The following ZNF48 variants were observed in gnomAD, a reference collection of about 807,000 sequenced individuals.
ZNF48 encodes zinc finger protein 553.
A neutral mutation model predicts 40.0 loss-of-function variants in ZNF48; 20 were observed. The observed-to-expected ratio is 0.50, with a 90% CI of 0.35 to 0.73. The LOEUF (loss-of-function observed/expected upper bound fraction) is 0.73. ZNF48 is among the 30% of genes least tolerant of loss of function. The pLI is 0.01. For synonymous variants in ZNF48, 298 were observed against 329.7 expected (o/e 0.90, Z 1.04); for missense variants, 726 against 851.9 (o/e 0.85, Z 1.84).
chr16:30,398,870 C>G lies in ZNF48; in HGVS notation c.1620C>G (p.Ser540Arg). ...TTCGGGCCCAGCCTTCTGGACCCAG[C>G]CAGCCCCACGTGTGTGGCTTCTGTG... Reference protein sequence around the residue: ...PRVRAQPSGPSQPHVCGFCGK... With the variant: ...PRVRAQPSGPRQPHVCGFCGK... Residue 540 changes from serine to arginine, a missense_variant, in exon 3 of 3, where the codon AGC becomes AGG. Physicochemically the swap from Ser to Arg is moderately radical, Grantham distance 110. Around this residue, in one of 5 missense-constraint regions of ZNF48, gnomAD observed 166 missense variants for 163.6 expected, o/e 1.01. Coordinates refer to ENST00000613509, the MANE Select transcript of ZNF48 (RefSeq NM_001214909.2). This position sits in a 1 kb window ranked among gnomAD's most constrained non-coding sequence, Gnocchi z 6.6. The G allele has an allele frequency of 6.2e-7, 1 of 1,613,916 alleles. No homozygotes were observed. The highest frequency in any genetic ancestry group is 8.5e-7 in the Non-Finnish European group (1 of 1,179,974).
Position 30,398,525 on chromosome 16 carries a change from C to T in ZNF48, c.1275C>T (p.Gly425=), listed in dbSNP as rs372125983. 6 of 1,602,904 alleles carry T rather than the reference C, an allele frequency of 3.7e-6. No individual in the cohort carries two copies. The African/African-American group carries it at 8.0e-5, about 21-fold the overall frequency. The part of the protein sequence containing the change: ...RSPSHSGEPF[G]LPGLEPEPGG... The stretch of plus-strand genomic sequence containing the variant: ...CCTCACACTCGGGTGAGCCTTTTGG[C>T]CTGCCTGGCTTGGAGCCAGAGCCTG... The change falls in exon 3 of 3, where the codon GGC becomes GGT. Residue 425 remains glycine (G), a synonymous_variant. Coordinates refer to ENST00000613509, the MANE Select transcript of ZNF48 (RefSeq NM_001214909.2). The surrounding 1 kb of genome is among the most constrained non-coding windows in gnomAD (Gnocchi z 6.6).
In ZNF48 at chr16:30,382,274, C is replaced by G; in HGVS notation, c.-16+3864C>G. On this transcript the variant is annotated intron_variant, in intron 1 of 2. Coordinates refer to the ZNF48 transcript ENST00000528032. This position sits in a 1 kb window ranked among gnomAD's most constrained non-coding sequence, Gnocchi z 4.8. ...CAGTTCCCTCTCCAAAACCCCCAGA[C>G]CTGCCACCATTAGCGTGAAGTCAAA... 6.2e-7 allele frequency: 1 copy of G among 1,613,666 alleles called. No individual in the cohort carries two copies. The highest frequency in any genetic ancestry group is 8.5e-7 in the Non-Finnish European group (1 of 1,179,708).
chr16:30,390,630 T>G (rs1352359766), upstream of ZNF48, among the ~76,000 whole-genome samples: 4 of 84,596 alleles, frequency 4.7e-5, no homozygotes, highest in African/African-American at 1.2e-4. Flanking sequence ...TTTTTTTTTT[T>G]TTTTTTTTTG....
At position 30,381,551 on chromosome 16, in the gene ZNF48, G is replaced by A; in HGVS notation, c.-16+3141G>A. ...GGCAAGGCTAGCCAGGACTGTGGGA[G>A]TAGAATGTCATTTCTTTGGCTCCCT... is the stretch of plus-strand genomic sequence containing the variant. On this transcript the variant is annotated intron_variant, in intron 1 of 2. Coordinates refer to the ZNF48 transcript ENST00000528032. The surrounding 1 kb of genome is among the most constrained non-coding windows in gnomAD (Gnocchi z 4.3). 3.8e-6 allele frequency: 6 copies of A among 1,562,016 alleles called. No homozygotes were observed. The highest frequency in any genetic ancestry group is 5.3e-6 in the Non-Finnish European group (6 of 1,138,684).
At chr16:30,393,241 TA>T (rs1434236299), upstream of ZNF48, among the ~76,000 whole-genome samples, 2 of 151,674 alleles carry the variant, frequency 1.3e-5, no homozygotes, top group African/African-American at 4.8e-5. Flanking sequence ...CACGCCCTGC[TA>T]ATTTTTTTAT....
chr16:30,381,663 C>A lies in ZNF48; in HGVS notation c.-16+3253C>A. ...AGTGGCCCTCTGAAACAGACACCAC[C>A]TTTTGAGATAGGGAGCCAGCACAAA... On this transcript the variant is annotated intron_variant, in intron 1 of 2. Transcript: ENST00000528032. The surrounding 1 kb of genome is among the most constrained non-coding windows in gnomAD (Gnocchi z 4.3). 1 of 1,554,196 alleles carries A rather than the reference C, an allele frequency of 6.4e-7. No homozygotes were observed. Among genetic ancestry groups the A allele is most frequent in the Non-Finnish European group, 8.7e-7 (1 of 1,148,562 alleles).
chr16:30,387,006 G>A (rs1406588622), intron 1 of ZNF48, among the ~76,000 whole-genome samples: 1 of 140,934 alleles, frequency 7.1e-6, no homozygotes, highest in Non-Finnish European at 1.5e-5. Context: ...GCAGTGGCAC[G>A]ATCTTGGCTC....
chr16:30,392,540 G>T (rs771507816), upstream of ZNF48, among the ~76,000 whole-genome samples: 4 of 152,182 alleles, frequency 2.6e-5, no homozygotes, highest in Admixed American at 2.0e-4. Flanking sequence ...TCCAGGCAGA[G>T]TCTGGACTTT....
In ZNF48 at chr16:30,395,846, A is replaced by G; in HGVS notation, c.52A>G (p.Arg18Gly). Reference sequence around the variant, plus strand: ...CCCAGATCTCCACCGCCCGGAGGAGAGGGAGCCACAGAGAGGCGCCCGCAC... The same window carrying G: ...CCCAGATCTCCACCGCCCGGAGGAGGGGGAGCCACAGAGAGGCGCCCGCAC... ...WGPDLHRPEE[R>G]EPQRGARTGL... Residue 18 changes from arginine to glycine, a missense_variant, in exon 2 of 3, where the codon AGG becomes GGG. Arg to Gly is a moderately radical substitution (Grantham distance 125, BLOSUM62 -2). This residue lies in a region of ZNF48 where 151 missense variants were observed against 162.3 expected (regional missense o/e 0.93). Transcript: ENST00000613509. This position sits in a 1 kb window ranked among gnomAD's most constrained non-coding sequence, Gnocchi z 5.9. 1 of 1,546,892 alleles carries G rather than the reference A, an allele frequency of 6.5e-7. No homozygotes were observed.
In ZNF48 at chr16:30,381,746, T is replaced by C; in HGVS notation, c.-16+3336T>C. The C allele has an allele frequency of 6.2e-7, 1 of 1,613,654 alleles. No individual in the cohort carries two copies. Among genetic ancestry groups the C allele is most frequent in the African/African-American group, 1.3e-5 (1 of 74,996 alleles). On this transcript the variant is annotated intron_variant, in intron 1 of 2. Coordinates refer to the ZNF48 transcript ENST00000528032. This position sits in a 1 kb window ranked among gnomAD's most constrained non-coding sequence, Gnocchi z 4.3. Reference sequence around the variant, plus strand: ...GTGAAAGGCTGAGCCTCTGTCCCCTTTCCTCTTCCTCACCAGTCAGAGCAG... The same window carrying C: ...GTGAAAGGCTGAGCCTCTGTCCCCTCTCCTCTTCCTCACCAGTCAGAGCAG...
At position 30,398,035 on chromosome 16, in the gene ZNF48, C is replaced by T. The variant is rs140863905; in HGVS notation, c.785C>T (p.Thr262Met). The change falls in exon 3 of 3, where the codon ACG becomes ATG. Residue 262 changes from threonine to methionine, a missense_variant. Coordinates refer to ENST00000613509, the MANE Select transcript of ZNF48 (RefSeq NM_001214909.2). The surrounding 1 kb of genome is among the most constrained non-coding windows in gnomAD (Gnocchi z 6.6). ...VPRRQPSRAA[T>M]AATQGPKAQD... ...CGACGGCAGCCATCTCGGGCAGCCA[C>T]GGCAGCTACCCAGGGACCGAAGGCC... 3.9e-4 allele frequency: 631 copies of T among 1,612,040 alleles called. No homozygotes were observed. Among genetic ancestry groups the T allele is most frequent in the Non-Finnish European group, 5.1e-4 (600 of 1,179,004 alleles).
intron 1 of ZNF48, among the ~76,000 whole-genome samples, chr16:30,387,242 C>CTTT (rs746448381): frequency 2.3e-5 from 3 of 132,916 alleles, no homozygotes; most frequent in African/African-American, 8.1e-5. Flanking sequence ...CGCGCCCGGC[C>CTTT]TTTTTTTTTT....
At position 30,399,164 on chromosome 16, in the gene ZNF48, G is replaced by C. The variant is rs1437595438; in HGVS notation, c.*57G>C. On this transcript the variant is annotated 3_prime_UTR_variant, in exon 3 of 3. Transcript: ENST00000613509. ...CCAAAGGGAGGGGCTCTGCCGCTTA[G>C]CAGAGAAGAAAGGGCCTGGGAGGTG... 1.3e-6 allele frequency: 2 copies of C among 1,483,774 alleles called. No individual in the cohort carries two copies. The highest frequency in any genetic ancestry group is 2.8e-5 in the African/African-American group (2 of 71,378). The allele number at this position is 1,483,774 out of a possible 1,614,324, so 91.9% of individuals were successfully genotyped here. A position where few individuals can be genotyped will look rare whatever the true frequency, so the allele number is the denominator to read the frequency against.
chr16:30,378,847 A>AGAGAGGGGGAAAGAGG (rs2049792950), intron 1 of ZNF48: 3 of 530,494 alleles, frequency 5.7e-6, no homozygotes, highest in Non-Finnish European at 9.2e-6. Context: ...GCGGGTGGGG[A>AGAGAGGGGGAAAGAGG]GAGAGGGGGA....
chr16:30,387,306 G>A (rs2151114073), intron 1 of ZNF48, among the ~76,000 whole-genome samples: 1 of 144,280 alleles, frequency 6.9e-6, no homozygotes, highest in South Asian at 2.3e-4. Context: ...TGTAATCCCA[G>A]CACTTTGGGA....
In ZNF48 at chr16:30,398,865, C is replaced by CCCAG. The variant is rs756005475; in HGVS notation, c.1622_1625dup (p.His543AlafsTer41). On this transcript the variant is annotated frameshift_variant, in exon 3 of 3. Coordinates refer to ENST00000613509, the MANE Select transcript of ZNF48 (RefSeq NM_001214909.2). LOFTEE classifies it high-confidence loss of function. This position sits in a 1 kb window ranked among gnomAD's most constrained non-coding sequence, Gnocchi z 6.6. The stretch of plus-strand genomic sequence containing the variant: ...CCGAGTTCGGGCCCAGCCTTCTGGA[C>CCCAG]CCAGCCAGCCCCACGTGTGTGGCTT... 1 of 1,613,994 alleles carries CCCAG rather than the reference C, an allele frequency of 6.2e-7. No homozygotes were observed.
At chr16:30,390,601 GTTTTTTTTTTTTTTTTTTTTTTTT>G (rs796708706), upstream of ZNF48, among the ~76,000 whole-genome samples, 1 of 53,356 alleles carries the variant, frequency 1.9e-5, no homozygotes, top group African/African-American at 7.2e-5. Flanking sequence ...GTAGAGACGG[GTTTTTTTTTTTTTTTTTTTTTTTT>G]TTTTTTTTTT....
intron 1 of ZNF48, chr16:30,380,027 C>A (rs1246904539): frequency 6.2e-7 from 1 of 1,610,306 alleles, no homozygotes; most frequent in African/African-American, 1.3e-5. Flanking sequence ...TTCAACTGAT[C>A]CCGGATCTCA....
At chr16:30,379,119 C>T (rs752828203) in intron 1 of ZNF48, 1 of 1,614,168 alleles carries the variant, frequency 6.2e-7, no homozygotes, top group Admixed American at 1.7e-5. Context: ...CTTTCAGGTC[C>T]TGCAGGTGTG....
Sources: allele counts gnomAD v4.1 joint callset (sites outside exome capture counted in the v4.1 genomes callset), GRCh38; gene constraint gnomAD v4.1.1; regional missense constraint gnomAD v4.1.1; non-coding constraint Gnocchi (gnomAD v3.1); transcripts MANE v1.5; gene names NCBI Gene and HGNC (gene_info 2026-07-23, HGNC 2026-07-21).